Variants in CREBRF observed in about 807,000 individuals in gnomAD.
CREBRF encodes UPF0474 protein C5orf41.
CREBRF carries 5 observed loss-of-function variants against 66.1 expected under a neutral mutation model. That is an observed-to-expected ratio of 0.08 (90% CI 0.04 to 0.16). CREBRF has a LOEUF of 0.16. Among genes scored for constraint, CREBRF ranks in the 10% least tolerant of loss-of-function variants. CREBRF has a pLI of 1.00. For missense variants in CREBRF, 531 were observed against 744.9 expected, an observed-to-expected ratio of 0.71 and a Z score of 3.34; for synonymous variants, 229 against 264.4, an observed-to-expected ratio of 0.87 and a Z score of 1.30.
At chr5:173,075,220 T>G (rs1265531748) in intron 1 of CREBRF, among the ~76,000 whole-genome samples, 4 of 152,198 alleles carry the variant, frequency 2.6e-5, no homozygotes, top group African/African-American at 9.7e-5. Flanking sequence ...ATAATCTGTT[T>G]TGAATTTTAC....
At chr5:173,110,805 T>A in intron 6 of CREBRF, 94 bp downstream of exon 6, 1 of 844,112 alleles carries the variant, frequency 1.2e-6, no homozygotes, top group Non-Finnish European at 1.8e-6. Flanking sequence ...AAAGAAATTG[T>A]ATTTTTCTTG....
intron 7 of CREBRF, among the ~76,000 whole-genome samples, chr5:173,112,766 A>T (rs2113776761): frequency 6.6e-6 from 1 of 152,324 alleles, no homozygotes; most frequent in South Asian, 2.1e-4. Context: ...GTGTTACTGG[A>T]TTAGCCAGTT....
intron 4 of CREBRF, among the ~76,000 whole-genome samples, chr5:173,101,626 C>T (rs1758629633): frequency 1.3e-5 from 2 of 151,700 alleles, no homozygotes; most frequent in South Asian, 2.1e-4. Context: ...CATCTTGACT[C>T]ACTGCAACCT....
chr5:173,112,920 T>A (rs180852504), intron 7 of CREBRF, among the ~76,000 whole-genome samples: 1 of 152,374 alleles, frequency 6.6e-6, no homozygotes, highest in East Asian at 1.9e-4. Context: ...TCTAGGCTTC[T>A]CTGCAGATCT....
At chr5:173,120,656 CAGATGTGAGCCACCGTGCCTGA>C in intron 7 of CREBRF, among the ~76,000 whole-genome samples, 1 of 139,858 alleles carries the variant, frequency 7.2e-6, no homozygotes, top group African/African-American at 2.6e-5. Flanking sequence ...GCTGGGATTA[CAGATGTGAGCCACCGTGCCTGA>C]GCCTCTTTTT....
intron 1 of CREBRF, chr5:173,057,446 C>T (rs1757105204): frequency 6.6e-6 from 1 of 152,224 alleles, no homozygotes; most frequent in Non-Finnish European, 1.5e-5. Context: ...TGACCTCGAC[C>T]CGCCTTTCTC....
intron 5 of CREBRF, chr5:173,109,996 A>G (rs572558887): frequency 1.9e-4 from 37 of 193,736 alleles, no homozygotes; most frequent in Middle Eastern, 2.4e-3. Flanking sequence ...CTATAATGTT[A>G]TTTATCAAAG....
chr5:173,082,014 T>TTTTTTTTTTTTTTGTTG (rs1757966498), intron 2 of CREBRF, among the ~76,000 whole-genome samples: 2 of 113,858 alleles, frequency 1.8e-5, no homozygotes, highest in South Asian at 7.1e-4. Context: ...TTTTTTTTTT[T>TTTTTTTTTTTTTTGTTG]TTTTTTTTTT....
chr5:173,128,009 C>G (rs1023491497), intron 8 of CREBRF, among the ~76,000 whole-genome samples: 2 of 152,098 alleles, frequency 1.3e-5, no homozygotes, highest in Non-Finnish European at 2.9e-5. Context: ...TTCTCCCCCC[C>G]AAAACCAGCT....
intron 4 of CREBRF, among the ~76,000 whole-genome samples, chr5:173,095,846 G>A (rs572458619): frequency 1.3e-5 from 2 of 151,368 alleles, no homozygotes; most frequent in South Asian, 4.2e-4. Flanking sequence ...TTGTAAATGG[G>A]ATTTTTTTCT....
In CREBRF at chr5:173,080,804, T is replaced by C. The variant is rs762392288; in HGVS notation, c.9+20T>C. On this transcript the variant is annotated intron_variant, in intron 2 of 8. Coordinates refer to ENST00000296953, the MANE Select transcript of CREBRF (RefSeq NM_153607.3). ...CCTCAGGTAAATCATACAGAGTAGG[T>C]GCAAAGTTTTTTATTTTCCCACTAC... 3 of 1,611,274 alleles carry C rather than the reference T, an allele frequency of 1.9e-6. No homozygotes were observed. Among genetic ancestry groups the C allele is most frequent in the South Asian group, 1.1e-5 (1 of 90,618 alleles).
At chr5:173,066,098 T>C (rs572022907) in intron 1 of CREBRF, among the ~76,000 whole-genome samples, 7 of 152,198 alleles carry the variant, frequency 4.6e-5, no homozygotes, top group Admixed American at 2.0e-4. Flanking sequence ...TGCAGGCGTG[T>C]GCCACCTCTC....
intron 7 of CREBRF, among the ~76,000 whole-genome samples, chr5:173,112,665 T>C (rs182342876): frequency 1.7e-4 from 26 of 152,332 alleles, no homozygotes; most frequent in Admixed American, 1.1e-3. Flanking sequence ...CTATAAAAGA[T>C]GTGAAAAGTT....
At chr5:173,092,021 C>T (rs771895431) in intron 4 of CREBRF, 6 of 333,112 alleles carry the variant, frequency 1.8e-5, no homozygotes, top group Non-Finnish European at 2.6e-5. Context: ...GCTGAGGTTG[C>T]GGTTAGCTGA....
chr5:173,057,056 C>A (rs532409278), intron 1 of CREBRF, among the ~76,000 whole-genome samples: 2 of 149,528 alleles, frequency 1.3e-5, no homozygotes, highest in East Asian at 4.1e-4. Flanking sequence ...GCCGCTCCCC[C>A]TTCTGTCCCC....
chr5:173,067,774 G>A (rs1315144905), intron 1 of CREBRF, among the ~76,000 whole-genome samples: 2 of 152,036 alleles, frequency 1.3e-5, no homozygotes, highest in African/African-American at 2.4e-5. Flanking sequence ...GAGGCGGGTG[G>A]ATCAAGAAGA....
Position 173,086,325 on chromosome 5 carries a change from G to GTC in CREBRF, c.10-174_10-173dup, listed in dbSNP as rs1418933041. 3 of 653,810 alleles carry GTC rather than the reference G, an allele frequency of 4.6e-6. No individual in the cohort carries two copies. In the African/African-American group the frequency reaches 5.5e-5, roughly 12 times the overall value. 40.5% of individuals were successfully genotyped at this position (653,810 alleles called of 1,614,324 possible). A position where few individuals can be genotyped will look rare whatever the true frequency, so the allele number is the denominator to read the frequency against. ...ATTTTTAGGTATTTTCCTAATATAAGTCTACAGTTCAGTGTTAGCCAAAGC... is the reference window on the plus strand; with the variant it reads ...ATTTTTAGGTATTTTCCTAATATAAGTCTCTACAGTTCAGTGTTAGCCAAAGC... On this transcript the variant is annotated intron_variant, in intron 2 of 8. Transcript: ENST00000296953.
intron 1 of CREBRF, among the ~76,000 whole-genome samples, chr5:173,062,717 T>C (rs531974592): frequency 1.3e-5 from 2 of 151,972 alleles, no homozygotes; most frequent in African/African-American, 2.4e-5. Context: ...TAGTAGGGTC[T>C]TTTTTTAAGG....
intron 7 of CREBRF, among the ~76,000 whole-genome samples, chr5:173,115,724 G>A (rs1158329378): frequency 2.0e-5 from 3 of 151,962 alleles, no homozygotes; most frequent in East Asian, 3.9e-4. Flanking sequence ...TGCAAGCTCC[G>A]CCTCCCAGTA....
Sources: gnomAD v4.1 joint callset for allele counts (sites outside exome capture counted in the v4.1 genomes callset) on GRCh38, gnomAD v4.1.1 for gene constraint, MANE v1.5 for transcripts, NCBI Gene and HGNC (gene_info 2026-07-23, HGNC 2026-07-21) for gene names.